The following SLC38A8 variants were observed in gnomAD, a reference collection of about 807,000 sequenced individuals.
SLC38A8 encodes solute carrier family 38 member 8, also known as amino acid transporter SLC38A8.
SLC38A8 carries 65 observed loss-of-function variants against 46.0 expected under a neutral mutation model. That is an observed-to-expected ratio of 1.41 (90% CI 1.16 to 1.74). The LOEUF (loss-of-function observed/expected upper bound fraction) is 1.74. SLC38A8 is among the 40% of genes most tolerant of loss of function. The probability of loss-of-function intolerance (pLI) is 0.00; values close to 1 mark genes in which losing one functional copy is unlikely to be tolerated. For synonymous variants in SLC38A8, 447 were observed against 243.7 expected, an observed-to-expected ratio of 1.83 and a Z score of -7.77; for missense variants, 998 against 567.9, an observed-to-expected ratio of 1.76 and a Z score of -7.70.
chr16:84,026,069 G>A (rs565039621), intron 6 of SLC38A8, among the ~76,000 whole-genome samples: 3 of 152,254 alleles, frequency 2.0e-5, no homozygotes, highest in African/African-American at 7.2e-5. Context: ...GGGCACGGCA[G>A]ATGCCCCGAG....
At position 84,013,424 on chromosome 16, in the gene SLC38A8, GTT is replaced by G. The variant is rs1221293803; in HGVS notation, c.1163-374_1163-373del. 5.6e-4 allele frequency among the ~76,000 whole-genome samples: 36 copies of G among 64,038 alleles called. No homozygotes were observed. In the East Asian group the frequency reaches 0.015, roughly 27 times the overall value. The allele number at this position is 64,038 out of a possible 152,430, so 42.0% of individuals were successfully genotyped here. On this transcript the variant is annotated intron_variant, in intron 9 of 10. Transcript: ENST00000299709. ...CATTACTTTCTTTTGTTGTGTGTGT[GTT>G]TTTTTTTTTTTTTTTTTTTTTTTGA...
chr16:84,031,978 T>G lies in SLC38A8; in HGVS notation c.531-10A>C. On this transcript the variant is annotated splice_polypyrimidine_tract_variant and intron_variant, in intron 4 of 10. Transcript: ENST00000299709. The stretch of plus-strand genomic sequence containing the variant: ...CAGAGTGCCTAGGATGCTAACACAG[T>G]GACCGTGTGAGGGGCTGCGCAGTGG... 1 of 1,613,064 alleles carries G rather than the reference T, an allele frequency of 6.2e-7. No individual in the cohort carries two copies. Among genetic ancestry groups the G allele is most frequent in the Non-Finnish European group, 8.5e-7 (1 of 1,179,142 alleles).
Position 84,031,961 on chromosome 16 carries a change from C to T in SLC38A8, c.538G>A (p.Gly180Ser). The stretch of plus-strand genomic sequence containing the variant: ...GCCAGGTAACAGGCAGCCAGAGTGC[C>T]TAGGATGCTAACACAGTGACCGTGT... The part of the protein sequence containing the change: ...IAFQKYTSIL[G>S]TLAACYLALV... Residue 180 changes from glycine (G) to serine (S), a missense_variant, in exon 5 of 11, where the codon GGC becomes AGC. Coordinates refer to ENST00000299709, the MANE Select transcript of SLC38A8 (RefSeq NM_001080442.3). 6.2e-7 allele frequency: 1 copy of T among 1,614,144 alleles called. No homozygotes were observed. Among genetic ancestry groups the T allele is most frequent in the Non-Finnish European group, 8.5e-7 (1 of 1,179,996 alleles).
intron 7 of SLC38A8, among the ~76,000 whole-genome samples, chr16:84,021,548 G>C (rs1241117835): frequency 6.6e-6 from 1 of 152,136 alleles, no homozygotes; most frequent in South Asian, 2.1e-4. Flanking sequence ...ACTAACTAGA[G>C]TATCTAAGAA....
chr16:84,021,647 C>A (rs896453763), intron 7 of SLC38A8, among the ~76,000 whole-genome samples: 1 of 152,248 alleles, frequency 6.6e-6, no homozygotes, highest in African/African-American at 2.4e-5. Flanking sequence ...CCAGCCTGCA[C>A]TCATTGCCCA....
intron 2 of SLC38A8, among the ~76,000 whole-genome samples, chr16:84,041,753 G>A (rs2085369454): frequency 6.6e-6 from 1 of 152,156 alleles, no homozygotes; most frequent in Admixed American, 6.5e-5. Context: ...CGGAAGCTGT[G>A]TATCAGATGC....
chr16:84,016,900 C>T lies in SLC38A8; in HGVS notation c.954-173G>A, dbSNP rs917869507. The stretch of plus-strand genomic sequence containing the variant: ...CAACCCTCAGGGGTTCTGCCACCAT[C>T]GGGCAGCCCATGGGGCAGGGGATGA... On this transcript the variant is annotated intron_variant, in intron 8 of 10. Transcript: ENST00000299709. The T allele has an allele frequency of 2.4e-5, 24 of 982,932 alleles. 1 individual carries two copies. Among genetic ancestry groups the T allele is most frequent in the African/African-American group, 9.9e-5 (6 of 60,810 alleles). The allele number at this position is 982,932 out of a possible 1,614,324, so 60.9% of individuals were successfully genotyped here. A position where few individuals can be genotyped will look rare whatever the true frequency, so the allele number is the denominator to read the frequency against.
At chr16:84,021,243 T>G (rs1331012471) in intron 7 of SLC38A8, among the ~76,000 whole-genome samples, 1 of 152,190 alleles carries the variant, frequency 6.6e-6, no homozygotes, top group Non-Finnish European at 1.5e-5. Flanking sequence ...TTTTGTATTT[T>G]TAATAGAAAT....
chr16:84,013,067 G>C lies in SLC38A8; in HGVS notation c.1163-15C>G, dbSNP rs367869251. On this transcript the variant is annotated splice_polypyrimidine_tract_variant and intron_variant, in intron 9 of 10. Transcript: ENST00000299709. ...GAGGCACAAACCTGCAAAAAAGACA[G>C]GGTCACCCACAGTTCTTCGTTATCA... 68 of 1,613,994 alleles carry C rather than the reference G, an allele frequency of 4.2e-5. No homozygotes were observed. In the African/African-American group the frequency reaches 8.4e-4, roughly 20 times the overall value.
At chr16:84,032,613 C>T (rs1250423511) in intron 4 of SLC38A8, among the ~76,000 whole-genome samples, 4 of 152,238 alleles carry the variant, frequency 2.6e-5, no homozygotes, top group African/African-American at 4.8e-5. Flanking sequence ...GGCTCGCTCA[C>T]ACTTGAGAGG....
At chr16:84,036,675 C>T (rs746233176) in intron 3 of SLC38A8, 27 bp downstream of exon 3, 6 of 1,613,060 alleles carry the variant, frequency 3.7e-6, no homozygotes, top group Non-Finnish European at 5.1e-6. Context: ...CACCCTGGGC[C>T]ACCCCGAGTC....
intron 7 of SLC38A8, among the ~76,000 whole-genome samples, chr16:84,021,628 C>T (rs774710874): frequency 1.2e-4 from 18 of 152,200 alleles, no homozygotes; most frequent in African/African-American, 3.4e-4. Flanking sequence ...CCTGCTCCTC[C>T]GAATTCTTCC....
Position 84,033,093 on chromosome 16 carries a change from T to G in SLC38A8, c.530+235A>C, listed in dbSNP as rs530590385. 2.0e-5 allele frequency among the ~76,000 whole-genome samples: 3 copies of G among 152,254 alleles called. No homozygotes were observed. The South Asian group carries it at 6.2e-4, about 32-fold the overall frequency. On this transcript the variant is annotated intron_variant, in intron 4 of 10. Transcript: ENST00000299709. ...TCTCTCTGCAGCCATGTGCAAAAAA[T>G]CCAACAATGAAATAAACTGAGTAGC...
At chr16:84,014,763 G>C (rs973389391) in intron 9 of SLC38A8, among the ~76,000 whole-genome samples, 4 of 152,196 alleles carry the variant, frequency 2.6e-5, no homozygotes, top group African/African-American at 4.8e-5. Context: ...CTACATCAAA[G>C]ACAACCCCTG....
rs79487504 is a variant in SLC38A8, at chr16:84,030,036, G to C, written c.633-485C>G. On this transcript the variant is annotated intron_variant, in intron 5 of 10. Transcript: ENST00000299709. ...CCTGGTTCACAGCTTCCTTTGACAG[G>C]CTTTGCAGGTGTAATTACTGAAAGT... Among the ~76,000 whole-genome samples, 1,031 of 152,300 alleles carry C rather than the reference G, an allele frequency of 6.8e-3. 5 individuals are homozygous for C. The highest frequency in any genetic ancestry group is 0.024 in the African/African-American group (991 of 41,548).
At chr16:84,021,226 G>C (rs1232640239) in intron 7 of SLC38A8, among the ~76,000 whole-genome samples, 3 of 152,084 alleles carry the variant, frequency 2.0e-5, no homozygotes, top group Non-Finnish European at 4.4e-5. Flanking sequence ...ACCATGCTCG[G>C]CTAATTTTTT....
At chr16:84,035,744 G>T (rs1412252929) in intron 3 of SLC38A8, among the ~76,000 whole-genome samples, 1 of 152,226 alleles carries the variant, frequency 6.6e-6, no homozygotes, top group Non-Finnish European at 1.5e-5. Context: ...CAGAGATAAA[G>T]AATACTTCAT....
chr16:84,031,027 G>A lies in SLC38A8; in HGVS notation c.632+840C>T, dbSNP rs962365406. 3.3e-5 allele frequency among the ~76,000 whole-genome samples: 5 copies of A among 152,102 alleles called. No individual in the cohort carries two copies. The South Asian group carries it at 1.0e-3, about 32-fold the overall frequency. ...AAGGACCACAGAACAGAATAAAAAG[G>A]GTGAGCCTTTTTATTAATTTTTTTC... On this transcript the variant is annotated intron_variant, in intron 5 of 10. Transcript: ENST00000299709.
In SLC38A8 at chr16:84,016,130, G is replaced by A. The variant is rs186717678; in HGVS notation, c.1162+389C>T. Among the ~76,000 whole-genome samples the A allele has an allele frequency of 2.4e-3, 356 of 146,880 alleles. 2 individuals carry two copies. The highest frequency in any genetic ancestry group is 8.2e-4 in the Non-Finnish European group (55 of 66,854). On this transcript the variant is annotated intron_variant, in intron 9 of 10. Transcript: ENST00000299709. ...GGCAAGAGAGCTTGTGCTGGGGGGC[G>A]GGGGGGGACCCCCACTTATAAAACC...
Sources: allele counts gnomAD v4.1 joint callset (sites outside exome capture counted in the v4.1 genomes callset), GRCh38; gene constraint gnomAD v4.1.1; transcripts MANE v1.5; gene names NCBI Gene and HGNC (gene_info 2026-07-23, HGNC 2026-07-21).